MACF1: variants seen among roughly 807,000 people sequenced by gnomAD.
MACF1 encodes the protein microtubule actin crosslinking factor 1.
MACF1 carries 193 observed loss-of-function variants against 854.8 expected under a neutral mutation model. The ratio of observed to expected loss-of-function variants is 0.23; its 90% CI spans 0.20 to 0.25. The LOEUF (loss-of-function observed/expected upper bound fraction) is 0.25. Ranked by LOEUF, MACF1 falls within the 10% of genes least tolerant of loss-of-function variation. MACF1 has a pLI of 1.00. For synonymous variants in MACF1, 3,185 were observed against 3,226.7 expected, an observed-to-expected ratio of 0.99 and a Z score of 0.44; for missense variants, 7,722 against 8,929.1, an observed-to-expected ratio of 0.86 and a Z score of 5.45.
chr1:39,340,568 A>G lies in MACF1; in HGVS notation c.10282A>G (p.Ile3428Val), dbSNP rs1435402771. The part of the protein sequence containing the change: ...VSQELECVNQ[I>V]IISQPQEVPA... ...TCAGGAGCTGGAGTGTGTGAATCAG[A>G]TTATCATCAGCCAGCCTCAAGAAGT... Residue 3428 changes from isoleucine (I) to valine (V), a missense_variant, in exon 39 of 101, where the codon ATT becomes GTT. Transcript: ENST00000564288. 6.2e-7 allele frequency: 1 copy of G among 1,614,150 alleles called. No homozygotes were observed. Among genetic ancestry groups the G allele is most frequent in the Non-Finnish European group, 8.5e-7 (1 of 1,180,034 alleles).
At chr1:39,307,342 G>A (rs1221804826) in intron 23 of MACF1, among the ~76,000 whole-genome samples, 1 of 150,586 alleles carries the variant, frequency 6.6e-6, no homozygotes, top group Non-Finnish European at 1.5e-5. Flanking sequence ...TATTGGTTTT[G>A]ACAAAGGCTT....
rs190754883 is a variant in MACF1 at position 39,288,371 on chromosome 1, G to A, written c.1785+809G>A. 6.6e-3 allele frequency among the ~76,000 whole-genome samples: 997 copies of A among 152,122 alleles called. 11 individuals carry two copies. The highest frequency in any genetic ancestry group is 0.023 in the African/African-American group (941 of 41,476). ...AAACTAGCCAGGTGTGGTGGTGGGC[G>A]CCTGTAGTCCCAGCTACTTGGGAGG... On this transcript the variant is annotated intron_variant, in intron 15 of 100. Coordinates refer to ENST00000564288, the MANE Select transcript of MACF1 (RefSeq NM_001394062.1).
intron 2 of MACF1, among the ~76,000 whole-genome samples, chr1:39,135,578 G>A (rs946549845): frequency 1.2e-4 from 18 of 152,018 alleles, no homozygotes; most frequent in African/African-American, 3.6e-4. Flanking sequence ...TCTAAGGTGC[G>A]TTCAAAGGCT....
Position 39,467,489 on chromosome 1 carries a change from T to G in MACF1, c.21772-1126T>G, listed in dbSNP as rs571840304. ...GTTTGTTTTGGAAACTCTGCATACT[T>G]CTCTTTTGTTGCTCCTTACTTCATT... On this transcript the variant is annotated intron_variant, in intron 95 of 100. Coordinates refer to ENST00000564288, the MANE Select transcript of MACF1 (RefSeq NM_001394062.1). Among the ~76,000 whole-genome samples, 5 of 152,352 alleles carry G rather than the reference T, an allele frequency of 3.3e-5. No individual in the cohort carries two copies. In the East Asian group the frequency reaches 9.6e-4, roughly 29 times the overall value.
In MACF1 at chr1:39,358,683, T is replaced by C; in HGVS notation, c.11944-14T>C. 6.2e-7 allele frequency: 1 copy of C among 1,611,858 alleles called. No individual in the cohort carries two copies. The highest frequency in any genetic ancestry group is 8.5e-7 in the Non-Finnish European group (1 of 1,179,440). ...CCTTGCTTAAGTCTGCTTACCTTTC[T>C]TTCTCTGGCACAGTGTACACGATTA... is the stretch of plus-strand genomic sequence containing the variant. On this transcript the variant is annotated splice_polypyrimidine_tract_variant and intron_variant, in intron 45 of 100. Coordinates refer to ENST00000564288, the MANE Select transcript of MACF1 (RefSeq NM_001394062.1).
chr1:39,368,395 C>A, intron 50 of MACF1, 81 bp downstream of exon 50: 1 of 1,408,232 alleles, frequency 7.1e-7, no homozygotes, highest in Non-Finnish European at 9.8e-7. Flanking sequence ...CTCTTTTCTT[C>A]CTTTACCAGA....
chr1:39,343,027 AC>A (rs1204807607), intron 40 of MACF1, among the ~76,000 whole-genome samples: 1 of 151,896 alleles, frequency 6.6e-6, no homozygotes, highest in Admixed American at 6.6e-5. Context: ...CAGTTTGTTG[AC>A]CCCCCTGCTC....
At position 39,332,190 on chromosome 1, in the gene MACF1, C is replaced by G; in HGVS notation, c.5602C>G (p.Gln1868Glu). Residue 1868 changes from glutamine (Q) to glutamate (E), a missense_variant, in exon 37 of 101, where the codon CAA (glutamine) becomes GAA (glutamate). Gln to Glu is a conservative substitution (Grantham distance 29, BLOSUM62 2). This residue lies in a region of MACF1 where 1,531 missense variants were observed against 1,601.6 expected (regional missense o/e 0.96). Transcript: ENST00000564288. ...CCTCCCAATTACAGATGCCCTAGAA[C>G]AAGGTATTGTGTCTACTGAACTAGC... ...EILPITDALEQGIVSTELAHK... is the reference protein window; with the variant it reads ...EILPITDALEEGIVSTELAHK... 1.2e-6 allele frequency: 2 copies of G among 1,614,030 alleles called. No homozygotes were observed. Among genetic ancestry groups the G allele is most frequent in the Non-Finnish European group, 1.7e-6 (2 of 1,180,012 alleles).
In MACF1 at chr1:39,333,015, C is replaced by A; in HGVS notation, c.6427C>A (p.Pro2143Thr). Residue 2143 changes from proline to threonine, a missense_variant, in exon 37 of 101, where the codon CCG (proline) becomes ACG (threonine). Around this residue, in one of 15 missense-constraint regions of MACF1, gnomAD observed 1,531 missense variants for 1,601.6 expected, o/e 0.96. Coordinates refer to ENST00000564288, the MANE Select transcript of MACF1 (RefSeq NM_001394062.1). ...ACCTCCTGCTGAGGCGGAAGGTGTG[C>A]CGTTGGTGGTTGACAAAGATGTTTT... ...TIPPAEAEGV[P>T]LVVDKDVFSV... is the part of the protein sequence containing the mutation. The A allele has an allele frequency of 6.2e-7, 1 of 1,614,020 alleles. No homozygotes were observed. The highest frequency in any genetic ancestry group is 8.5e-7 in the Non-Finnish European group (1 of 1,180,006).
chr1:39,212,682 G>A (rs1448133599), intron 1 of MACF1, among the ~76,000 whole-genome samples: 1 of 152,156 alleles, frequency 6.6e-6, no homozygotes, highest in African/African-American at 2.4e-5. Flanking sequence ...GAGTGCAGTG[G>A]CGCAATCTCG....
At chr1:39,369,130 G>A (rs975052847) in intron 50 of MACF1, among the ~76,000 whole-genome samples, 4 of 151,054 alleles carry the variant, frequency 2.6e-5, no homozygotes, top group Non-Finnish European at 4.4e-5. Flanking sequence ...GAACCACTAT[G>A]CCCAGACCCC....
chr1:39,384,959 T>G (rs1056913845), intron 56 of MACF1, among the ~76,000 whole-genome samples: 1 of 152,264 alleles, frequency 6.6e-6, no homozygotes, highest in Non-Finnish European at 1.5e-5. Context: ...TAAGCAATTG[T>G]TAAGTGATAC....
chr1:39,458,908 G>A (rs1557665921), intron 90 of MACF1, 178 bp from the exon 91 acceptor site: 1 of 602,814 alleles, frequency 1.7e-6, no homozygotes, highest in Non-Finnish European at 2.8e-6. Flanking sequence ...TATGTGCTGG[G>A]AGGATCAGTA....
chr1:39,436,264 T>G (rs936825080), intron 70 of MACF1, among the ~76,000 whole-genome samples: 2 of 152,204 alleles, frequency 1.3e-5, no homozygotes, highest in African/African-American at 4.8e-5. Context: ...ACTAATATAT[T>G]ACTCTTAGTG....
At chr1:39,107,597 T>G (rs1419394030) in intron 2 of MACF1, among the ~76,000 whole-genome samples, 2 of 152,192 alleles carry the variant, frequency 1.3e-5, no homozygotes, top group Non-Finnish European at 2.9e-5. Flanking sequence ...TTTGTTACTT[T>G]GCTTATGGAA....
chr1:39,123,659 C>T (rs938458597), intron 2 of MACF1, among the ~76,000 whole-genome samples: 1 of 151,638 alleles, frequency 6.6e-6, no homozygotes, highest in Admixed American at 6.6e-5. Context: ...CCCACCTCAG[C>T]CTCCCAAATA....
At chr1:39,126,507 G>T (rs1420841686) in intron 2 of MACF1, among the ~76,000 whole-genome samples, 1 of 152,176 alleles carries the variant, frequency 6.6e-6, no homozygotes, top group Non-Finnish European at 1.5e-5. Context: ...ATGGTTTAGG[G>T]CCGAGCACGG....
At chr1:39,186,416 G>A (rs939526822) in intron 2 of MACF1, among the ~76,000 whole-genome samples, 9 of 151,508 alleles carry the variant, frequency 5.9e-5, no homozygotes, top group Non-Finnish European at 1.2e-4. Flanking sequence ...ACAGGCACGC[G>A]CCACCACGCC....
At chr1:39,392,404 A>G (rs1284325992) in intron 58 of MACF1, among the ~76,000 whole-genome samples, 1 of 152,244 alleles carries the variant, frequency 6.6e-6, no homozygotes, top group Non-Finnish European at 1.5e-5. Context: ...CTCCAGCAGC[A>G]GACCAGATTT....
Sources: gnomAD v4.1 joint callset for allele counts (sites outside exome capture counted in the v4.1 genomes callset) on GRCh38, gnomAD v4.1.1 for gene constraint, gnomAD v4.1.1 regional missense constraint, MANE v1.5 for transcripts, NCBI Gene and HGNC (gene_info 2026-07-23, HGNC 2026-07-21) for gene names.